The following RUNX3 variants were observed in gnomAD, a reference collection of about 807,000 sequenced individuals.
The protein encoded by RUNX3 is RUNX family transcription factor 3.
RUNX3 carries 10 observed loss-of-function variants against 27.7 expected under a neutral mutation model. The ratio of observed to expected loss-of-function variants is 0.36; its 90% CI spans 0.22 to 0.61. The LOEUF (loss-of-function observed/expected upper bound fraction) is 0.61, where lower values mean the gene tolerates loss of function less well. Ranked by LOEUF, RUNX3 falls within the 20% of genes least tolerant of loss-of-function variation. The pLI, the probability that RUNX3 is intolerant of heterozygous loss-of-function variation, is 0.72. For missense variants in RUNX3, 469 were observed against 629.5 expected (o/e 0.75, Z 2.73); for synonymous variants, 270 against 269.2 (o/e 1.00, Z -0.03).
chr1:24,915,178 C>CT (rs5773115), intron 3 of RUNX3, among the ~76,000 whole-genome samples: 10,494 of 152,290 alleles, frequency 0.069, 855 homozygotes, highest in African/African-American at 0.19. Context: ...AGTCCCAGCA[C>CT]TTTGGGAGGC....
intron 2 of RUNX3, among the ~76,000 whole-genome samples, chr1:24,950,346 T>TG (rs1641726308): frequency 2.6e-5 from 4 of 152,166 alleles, no homozygotes; most frequent in Non-Finnish European, 5.9e-5. Flanking sequence ...CTCCTCCCCA[T>TG]GCCTGCCTCA....
rs531226628 is a variant in RUNX3 at position 24,909,295 on chromosome 1, G to T, written c.545-1878C>A. On this transcript the variant is annotated intron_variant, in intron 3 of 4. Transcript: ENST00000308873. Reference sequence around the variant, plus strand: ...CATTACAGATAAGGCTCTGTCCACCGCTCTAAGCTCCTCTCCAGAGTCCCC... The same window carrying T: ...CATTACAGATAAGGCTCTGTCCACCTCTCTAAGCTCCTCTCCAGAGTCCCC... 3.3e-5 allele frequency among the ~76,000 whole-genome samples: 5 copies of T among 152,212 alleles called. No individual in the cohort carries two copies. In the East Asian group the frequency reaches 9.7e-4, roughly 29 times the overall value.
chr1:24,908,459 C>G (rs1202641521), intron 3 of RUNX3, among the ~76,000 whole-genome samples: 1 of 150,848 alleles, frequency 6.6e-6, no homozygotes, highest in Non-Finnish European at 1.5e-5. Flanking sequence ...TCAGCCTGGG[C>G]AACTATCGAG....
chr1:24,917,590 A>G (rs534033442), intron 3 of RUNX3, among the ~76,000 whole-genome samples: 1 of 152,344 alleles, frequency 6.6e-6, no homozygotes, highest in African/African-American at 2.4e-5. Context: ...CCTAGGTCAC[A>G]CTGCAGATAA....
At position 24,907,372 on chromosome 1, in the gene RUNX3, C is replaced by CGGTCAGGGAACGGCTTGGTCT. The variant is rs1557836621; in HGVS notation, c.569_589dup (p.Gln190_Asp196dup). 6.8e-6 allele frequency: 11 copies of CGGTCAGGGAACGGCTTGGTCT among 1,613,962 alleles called. No individual in the cohort carries two copies. Among genetic ancestry groups the CGGTCAGGGAACGGCTTGGTCT allele is most frequent in the Non-Finnish European group, 9.3e-6 (11 of 1,180,016 alleles). ...GCGCAGCCGTTCCAGGTCCCCAAAG[C>CGGTCAGGGAACGGCTTGGTCT]GGTCAGGGAACGGCTTGGTCTGGTC... On this transcript the variant is annotated inframe_insertion, in exon 4 of 5. Coordinates refer to ENST00000308873, the MANE Select transcript of RUNX3 (RefSeq NM_004350.3).
At position 24,902,037 on chromosome 1, in the gene RUNX3, C is replaced by G; in HGVS notation, c.*85G>C. The G allele has an allele frequency of 1.5e-6, 2 of 1,321,526 alleles. No individual in the cohort carries two copies. The highest frequency in any genetic ancestry group is 1.5e-5 in the South Asian group (1 of 65,808). 81.9% of individuals were successfully genotyped at this position (1,321,526 alleles called of 1,614,324 possible). ...CACCCTGGAGCGCAGGTCCCATTCC[C>G]GCCCGGAGCCTCGGAGCCGGCCCAT... On this transcript the variant is annotated 3_prime_UTR_variant, in exon 5 of 5. Transcript: ENST00000308873. The surrounding 1 kb of genome is among the most constrained non-coding windows in gnomAD (Gnocchi z 9.2).
In RUNX3 at chr1:24,902,859, G is replaced by A. The variant is rs749110553; in HGVS notation, c.704-193C>T. On this transcript the variant is annotated intron_variant, in intron 4 of 4. Transcript: ENST00000308873. The surrounding 1 kb of genome is among the most constrained non-coding windows in gnomAD (Gnocchi z 9.2). ...ACTCCGAACACAGACCTGCCGGGAA[G>A]CTGGTTGGAGCGTGCCCCGGGCCAA... 2.0e-5 allele frequency among the ~76,000 whole-genome samples: 3 copies of A among 152,282 alleles called. No individual in the cohort carries two copies. Among genetic ancestry groups the A allele is most frequent in the Admixed American group, 6.5e-5 (1 of 15,300 alleles).
intron 2 of RUNX3, among the ~76,000 whole-genome samples, chr1:24,949,522 A>T (rs754709061): frequency 1.3e-5 from 2 of 152,206 alleles, no homozygotes; most frequent in African/African-American, 2.4e-5. Flanking sequence ...CCAAGCGGCC[A>T]CAAACTGAGT....
chr1:24,946,713 G>A (rs970475788), intron 2 of RUNX3, among the ~76,000 whole-genome samples: 3 of 152,106 alleles, frequency 2.0e-5, no homozygotes, highest in Non-Finnish European at 4.4e-5. Context: ...TGGGACTGGG[G>A]TTGCTGAGAC....
rs1459610402 is a variant in RUNX3, at chr1:24,901,823, GA to G, written c.*298del. 1.2e-5 allele frequency: 5 copies of G among 420,160 alleles called. No individual in the cohort carries two copies. Among genetic ancestry groups the G allele is most frequent in the African/African-American group, 1.0e-4 (5 of 50,094 alleles). The allele number at this position is 420,160 out of a possible 1,614,324, so 26.0% of individuals were successfully genotyped here. On this transcript the variant is annotated 3_prime_UTR_variant, in exon 5 of 5. Transcript: ENST00000308873. Reference sequence around the variant, plus strand: ...AGCACTGGGCATAGCTGGAGACAGTGAGGTCCTTCCGGGGGGGTGGCAGGAG... The same window carrying G: ...AGCACTGGGCATAGCTGGAGACAGTGGGTCCTTCCGGGGGGGTGGCAGGAG...
At chr1:24,929,135 T>G in intron 1 of RUNX3, 4 of 462,518 alleles carry the variant, frequency 8.6e-6, no homozygotes, top group Non-Finnish European at 1.7e-5. Context: ...AGCCCGAGGG[T>G]GTGAGCAGGA....
At chr1:24,917,964 C>G (rs918064816) in intron 3 of RUNX3, among the ~76,000 whole-genome samples, 7 of 152,308 alleles carry the variant, frequency 4.6e-5, no homozygotes, top group African/African-American at 1.7e-4. Flanking sequence ...TGGTCTATGT[C>G]TGATCTCAGC....
chr1:24,942,493 A>G (rs892762946), intron 2 of RUNX3, among the ~76,000 whole-genome samples: 1 of 152,092 alleles, frequency 6.6e-6, no homozygotes, highest in Admixed American at 6.5e-5. Context: ...GCTCTTGGCA[A>G]TACTTTAGAC....
intron 2 of RUNX3, among the ~76,000 whole-genome samples, chr1:24,937,453 G>T (rs1386188534): frequency 6.6e-6 from 1 of 152,244 alleles, no homozygotes; most frequent in Non-Finnish European, 1.5e-5. Context: ...GGGGAGTAGG[G>T]TTTCTTGAGT....
At chr1:24,915,349 G>A (rs1329083396) in intron 3 of RUNX3, among the ~76,000 whole-genome samples, 1 of 152,192 alleles carries the variant, frequency 6.6e-6, no homozygotes, top group Admixed American at 6.5e-5. Context: ...TCCTGAACCT[G>A]GGAGGCGGAG....
At position 24,927,451 on chromosome 1, in the gene RUNX3, T is replaced by C. The variant is rs1641120227; in HGVS notation, c.439+123A>G. On this transcript the variant is annotated intron_variant, in intron 2 of 4. Coordinates refer to ENST00000308873, the MANE Select transcript of RUNX3 (RefSeq NM_004350.3). The surrounding 1 kb of genome is among the most constrained non-coding windows in gnomAD (Gnocchi z 5.0). ...TATCCTACAGGATTACAAATTGCTG[T>C]TTTTAGACAGAGCTGCATCTGGAGA... 4 of 915,648 alleles carry C rather than the reference T, an allele frequency of 4.4e-6. No homozygotes were observed. The highest frequency in any genetic ancestry group is 6.9e-6 in the Non-Finnish European group (4 of 577,454). The allele number at this position is 915,648 out of a possible 1,614,324, so 56.7% of individuals were successfully genotyped here.
rs1326971182 is a variant in RUNX3 at position 24,923,987 on chromosome 1, G to C, written c.439+3587C>G. Among the ~76,000 whole-genome samples, 3 of 152,184 alleles carry C rather than the reference G, an allele frequency of 2.0e-5. No individual in the cohort carries two copies. Among genetic ancestry groups the C allele is most frequent in the Non-Finnish European group, 4.4e-5 (3 of 68,032 alleles). ...GCACTGCCAGCGTTAGGGGTGGGGT[G>C]CGTGTATGTGGTGGGGGATGCCAGC... On this transcript the variant is annotated intron_variant, in intron 2 of 4. Coordinates refer to ENST00000308873, the MANE Select transcript of RUNX3 (RefSeq NM_004350.3). This position sits in a 1 kb window ranked among gnomAD's most constrained non-coding sequence, Gnocchi z 5.9.
intron 2 of RUNX3, among the ~76,000 whole-genome samples, chr1:24,924,960 G>T (rs1394485555): frequency 6.6e-6 from 1 of 152,006 alleles, no homozygotes; most frequent in Non-Finnish European, 1.5e-5. Context: ...GGTGTTACTG[G>T]GTGCGTGTCT....
rs1334488602 is a variant in RUNX3 at position 24,927,665 on chromosome 1, G to A, written c.348C>T (p.Asn116=). 1.2e-6 allele frequency: 2 copies of A among 1,614,148 alleles called. No individual in the cohort carries two copies. The highest frequency in any genetic ancestry group is 1.7e-6 in the Non-Finnish European group (2 of 1,180,024). ...AGGCATTGCGCAGCTCAGCGGAGTA[G>A]TTCTCGTCATTGCCTGCCATCACAG... The part of the protein sequence containing the change: ...VVTVMAGNDE[N]YSAELRNASA... The change falls in exon 2 of 5, where the codon AAC becomes AAT. Residue 116 remains asparagine (N), a synonymous_variant. Coordinates refer to ENST00000308873, the MANE Select transcript of RUNX3 (RefSeq NM_004350.3). This position sits in a 1 kb window ranked among gnomAD's most constrained non-coding sequence, Gnocchi z 5.0.
Sources: allele counts gnomAD v4.1 joint callset (sites outside exome capture counted in the v4.1 genomes callset), GRCh38; gene constraint gnomAD v4.1.1; non-coding constraint Gnocchi (gnomAD v3.1); transcripts MANE v1.5; gene names NCBI Gene and HGNC (gene_info 2026-07-23, HGNC 2026-07-21).